Variants in SLC10A7 observed in about 807,000 individuals in gnomAD.
The protein encoded by SLC10A7 is sodium/bile acid cotransporter 7.
SLC10A7 carries 29 observed loss-of-function variants against 43.2 expected under a neutral mutation model. That is an observed-to-expected ratio of 0.67 (90% CI 0.50 to 0.92). The LOEUF is 0.92. Among genes scored for constraint, SLC10A7 ranks in the 40% least tolerant of loss-of-function variants. The pLI is 0.00. For missense variants in SLC10A7, 295 were observed against 403.2 expected, an observed-to-expected ratio of 0.73 and a Z score of 2.30; for synonymous variants, 152 against 144.8, an observed-to-expected ratio of 1.05 and a Z score of -0.35.
chr4:146,392,613 C>T (rs1738522516), intron 5 of SLC10A7, among the ~76,000 whole-genome samples: 1 of 152,152 alleles, frequency 6.6e-6, no homozygotes, highest in Non-Finnish European at 1.5e-5. Flanking sequence ...TCCCAGGGCT[C>T]ATCACCTATG....
intron 5 of SLC10A7, among the ~76,000 whole-genome samples, chr4:146,347,951 T>A (rs1734741700): frequency 6.6e-6 from 1 of 152,088 alleles, no homozygotes; most frequent in African/African-American, 2.4e-5. Context: ...AAATAAATTT[T>A]AAAAAAGCAC....
At chr4:146,293,724 C>A (rs1172336468) in intron 8 of SLC10A7, among the ~76,000 whole-genome samples, 2 of 151,938 alleles carry the variant, frequency 1.3e-5, no homozygotes, top group African/African-American at 4.8e-5. Context: ...GGGCAGCAGA[C>A]GCAAAAACAA....
chr4:146,274,844 A>G lies in SLC10A7; in HGVS notation c.847+8348T>C, dbSNP rs558377429. ...AGGATATTCTTTTGGCTGATGATGG[A>G]ATATAAAGTATTTCAAAGTGGGGTA... On this transcript the variant is annotated intron_variant, in intron 10 of 11. Transcript: ENST00000335472. Among the ~76,000 whole-genome samples the G allele has an allele frequency of 7.9e-5, 12 of 152,296 alleles. No individual in the cohort carries two copies. In the Middle Eastern group the frequency reaches 0.01, roughly 130 times the overall value.
intron 10 of SLC10A7, among the ~76,000 whole-genome samples, chr4:146,282,400 T>C (rs1389287239): frequency 6.6e-6 from 1 of 152,208 alleles, no homozygotes; most frequent in Admixed American, 6.5e-5. Flanking sequence ...TTGTAATGAT[T>C]CTTCATTCTC....
intron 5 of SLC10A7, 75 bp downstream of exon 5, chr4:146,442,708 G>T: frequency 6.4e-7 from 1 of 1,571,676 alleles, no homozygotes; most frequent in Non-Finnish European, 8.6e-7. Context: ...AACAAATCCA[G>T]CTTTCACTAA....
intron 4 of SLC10A7, 109 bp from the exon 5 acceptor site, chr4:146,442,930 G>A (rs1007755496): frequency 2.5e-6 from 2 of 814,350 alleles, no homozygotes; most frequent in African/African-American, 3.6e-5. Context: ...TTAAAACATT[G>A]ACTCTATAAA....
chr4:146,274,199 A>AC (rs1729066510), intron 10 of SLC10A7, among the ~76,000 whole-genome samples: 1 of 132,052 alleles, frequency 7.6e-6, no homozygotes, highest in African/African-American at 2.9e-5. Context: ...TTCAGATTAT[A>AC]CTTTTTTTTT....
At chr4:146,444,923 G>A (rs535023595) in intron 4 of SLC10A7, among the ~76,000 whole-genome samples, 21 of 152,238 alleles carry the variant, frequency 1.4e-4, no homozygotes, top group African/African-American at 5.1e-4. Flanking sequence ...TGTGGTTGCA[G>A]TCTATGAAAG....
intron 4 of SLC10A7, among the ~76,000 whole-genome samples, chr4:146,466,886 C>T (rs1314281358): frequency 3.3e-5 from 5 of 152,058 alleles, no homozygotes; most frequent in Admixed American, 3.3e-4. Context: ...AAGGTGAGAC[C>T]TTAGGAGGAA....
chr4:146,439,167 A>G (rs1385584971), intron 5 of SLC10A7, among the ~76,000 whole-genome samples: 1 of 152,048 alleles, frequency 6.6e-6, no homozygotes, highest in East Asian at 1.9e-4. Flanking sequence ...TGTAAATTGA[A>G]TTCACCTATC....
intron 5 of SLC10A7, among the ~76,000 whole-genome samples, chr4:146,345,170 T>A (rs1294572610): frequency 1.3e-5 from 2 of 152,138 alleles, no homozygotes; most frequent in African/African-American, 4.8e-5. Flanking sequence ...AACAGTGACG[T>A]GGGAACCACA....
At chr4:146,419,830 C>A (rs138043719) in intron 5 of SLC10A7, among the ~76,000 whole-genome samples, 1 of 151,400 alleles carries the variant, frequency 6.6e-6, no homozygotes, top group Non-Finnish European at 1.5e-5. Flanking sequence ...AGCAAGACTC[C>A]GTCTAAAAAA....
chr4:146,364,536 C>T lies in SLC10A7; in HGVS notation c.436-38540G>A, dbSNP rs528912496. ...GTGAAATAAGCCAAGTGCAGAACAA[C>T]AAATGTTGCATGTTTTCTGACTCAT... On this transcript the variant is annotated intron_variant, in intron 5 of 11. Coordinates refer to ENST00000335472, the MANE Select transcript of SLC10A7 (RefSeq NM_001029998.6). Among the ~76,000 whole-genome samples the T allele has an allele frequency of 2.0e-5, 3 of 152,120 alleles. No individual in the cohort carries two copies. In the South Asian group the frequency reaches 6.2e-4, roughly 32 times the overall value.
chr4:146,464,984 G>T (rs6537423), intron 4 of SLC10A7, among the ~76,000 whole-genome samples: 123,040 of 152,072 alleles, frequency 0.81, 50,505 homozygotes, highest in African/African-American at 0.93. Context: ...GTGATTCTTT[G>T]TAAAAGATAC....
intron 4 of SLC10A7, among the ~76,000 whole-genome samples, chr4:146,451,674 G>A (rs1468137923): frequency 6.6e-6 from 1 of 151,924 alleles, no homozygotes; most frequent in Non-Finnish European, 1.5e-5. Context: ...CATAAAATTC[G>A]ACATCTCTTC....
intron 10 of SLC10A7, among the ~76,000 whole-genome samples, chr4:146,265,698 G>T (rs1728508936): frequency 6.6e-6 from 1 of 152,172 alleles, no homozygotes; most frequent in Non-Finnish European, 1.5e-5. Context: ...AGGTGCTAAA[G>T]TAATGTTTCC....
chr4:146,306,506 C>T (rs1343356291), intron 6 of SLC10A7, among the ~76,000 whole-genome samples: 1 of 152,110 alleles, frequency 6.6e-6, no homozygotes, highest in East Asian at 1.9e-4. Context: ...CAATGTCTAG[C>T]AAATGGGAAA....
At chr4:146,283,531 G>A (rs1729684072) in intron 9 of SLC10A7, among the ~76,000 whole-genome samples, 1 of 152,026 alleles carries the variant, frequency 6.6e-6, no homozygotes, top group African/African-American at 2.4e-5. Flanking sequence ...CCCTGGAGCA[G>A]GACTGATTAT....
intron 6 of SLC10A7, among the ~76,000 whole-genome samples, chr4:146,307,411 T>C (rs1731656076): frequency 6.6e-6 from 1 of 152,156 alleles, no homozygotes; most frequent in Non-Finnish European, 1.5e-5. Flanking sequence ...GTGTGTTACA[T>C]GTCACATGGC....
Sources: gnomAD v4.1 joint callset for allele counts (sites outside exome capture counted in the v4.1 genomes callset) on GRCh38, gnomAD v4.1.1 for gene constraint, MANE v1.5 for transcripts, NCBI Gene and HGNC (gene_info 2026-07-23, HGNC 2026-07-21) for gene names.